Variants in NOX4 observed in about 807,000 individuals in gnomAD.
The protein encoded by NOX4 is NADPH oxidase 4, also known as kidney oxidase-1.
Under a neutral mutation model 87.6 loss-of-function variants are expected in NOX4, and 69 were observed. That is an observed-to-expected ratio of 0.79 (90% CI 0.65 to 0.96). The LOEUF (loss-of-function observed/expected upper bound fraction) is 0.96. NOX4 is among the 40% of genes least tolerant of loss of function. NOX4 has a pLI of 0.00. For synonymous variants in NOX4, 275 were observed against 238.2 expected (o/e 1.15, Z -1.42); for missense variants, 680 against 681.5 (o/e 1.00, Z 0.02).
At chr11:89,393,279 C>T (rs1941250174) in intron 11 of NOX4, among the ~76,000 whole-genome samples, 1 of 152,056 alleles carries the variant, frequency 6.6e-6, no homozygotes, top group African/African-American at 2.4e-5. Context: ...TCAATACTGC[C>T]ATGATTGAAA....
chr11:89,367,478 A>G lies in NOX4; in HGVS notation c.1135+5954T>C, dbSNP rs530763794. Among the ~76,000 whole-genome samples, 4 of 152,156 alleles carry G rather than the reference A, an allele frequency of 2.6e-5. No homozygotes were observed. In the South Asian group the frequency reaches 6.2e-4, roughly 24 times the overall value. The stretch of plus-strand genomic sequence containing the variant: ...TACCATCGCCAGACCTTTCCTTTGC[A>G]TCTTCCTAATGACATGATTTTTATG... On this transcript the variant is annotated intron_variant, in intron 12 of 17. Transcript: ENST00000263317.
At chr11:89,445,302 T>C (rs770002138) in intron 4 of NOX4, among the ~76,000 whole-genome samples, 1 of 151,796 alleles carries the variant, frequency 6.6e-6, no homozygotes, top group East Asian at 1.9e-4. Context: ...CCACAACCCA[T>C]AATGTAAAAT....
At chr11:89,419,034 T>A (rs920210242) in intron 8 of NOX4, among the ~76,000 whole-genome samples, 1 of 152,062 alleles carries the variant, frequency 6.6e-6, no homozygotes, top group Non-Finnish European at 1.5e-5. Context: ...AAATAACACA[T>A]GAATGTTTAC....
chr11:89,415,284 G>GT (rs993054109), intron 8 of NOX4, among the ~76,000 whole-genome samples: 69 of 152,080 alleles, frequency 4.5e-4, no homozygotes, highest in African/African-American at 1.6e-3. Context: ...TGATAATGCA[G>GT]TTGTTAAGTT....
the NOX4 span, among the ~76,000 whole-genome samples, chr11:89,588,836 A>T: frequency 2.0e-5 from 3 of 152,184 alleles, no homozygotes; most frequent in East Asian, 5.8e-4. Flanking sequence ...GCTCCTACCC[A>T]CAGAGGATAC....
At chr11:89,552,149 A>C in the NOX4 span, among the ~76,000 whole-genome samples, 1 of 152,214 alleles carries the variant, frequency 6.6e-6, no homozygotes, top group African/African-American at 2.4e-5. Context: ...AAAAAGGCAT[A>C]ACCTGTAGTT....
At chr11:89,353,137 A>C (rs761550673) in intron 13 of NOX4, among the ~76,000 whole-genome samples, 1 of 152,208 alleles carries the variant, frequency 6.6e-6, no homozygotes, top group Non-Finnish European at 1.5e-5. Flanking sequence ...ACTCCTGGTA[A>C]AGAAGCTATG....
At chr11:89,451,522 C>T (rs1944960106) in intron 3 of NOX4, among the ~76,000 whole-genome samples, 1 of 152,152 alleles carries the variant, frequency 6.6e-6, no homozygotes, top group African/African-American at 2.4e-5. Context: ...TGTAGAATCC[C>T]TGTAAGAATT....
intron 12 of NOX4, among the ~76,000 whole-genome samples, chr11:89,357,166 T>G (rs1938128807): frequency 6.6e-6 from 1 of 152,156 alleles, no homozygotes. Flanking sequence ...TATTTTATCT[T>G]CATATTTATT....
the NOX4 span, among the ~76,000 whole-genome samples, chr11:89,541,933 G>T: frequency 6.6e-6 from 1 of 152,078 alleles, no homozygotes; most frequent in Admixed American, 6.5e-5. Context: ...AGCCTCCCAA[G>T]TAGCAGGGAG....
In NOX4 at chr11:89,402,458, G is replaced by A; in HGVS notation, c.714C>T (p.Ser238=). ...AATGTTCTGAGAAATACTCTGGTAA[G>A]GAAATATTCTGAGAGCTGGTTCGGT... is the stretch of plus-strand genomic sequence containing the variant. ...SLNRTSSQNI[S]LPEYFSEHFH... is the part of the protein sequence containing the mutation. Residue 238 remains serine (S), a synonymous_variant, in exon 9 of 18, where the codon TCC becomes TCT. Coordinates refer to ENST00000263317, the MANE Select transcript of NOX4 (RefSeq NM_016931.5). The A allele has an allele frequency of 3.1e-6, 5 of 1,612,548 alleles. No homozygotes were observed. The highest frequency in any genetic ancestry group is 4.2e-6 in the Non-Finnish European group (5 of 1,179,354).
chr11:89,380,949 A>G (rs1940240258), intron 11 of NOX4, among the ~76,000 whole-genome samples: 1 of 152,198 alleles, frequency 6.6e-6, no homozygotes, highest in African/African-American at 2.4e-5. Context: ...AAGACCAGAG[A>G]TCAAAACTGC....
chr11:89,373,072 T>C (rs540119935), intron 12 of NOX4, among the ~76,000 whole-genome samples: 1 of 151,634 alleles, frequency 6.6e-6, no homozygotes, highest in Non-Finnish European at 1.5e-5. Context: ...GATCTCAATA[T>C]CAGGTGTTGA....
chr11:89,535,353 A>G, the NOX4 span, among the ~76,000 whole-genome samples: 1 of 152,242 alleles, frequency 6.6e-6, no homozygotes, highest in East Asian at 1.9e-4. Flanking sequence ...CTTTCACTCT[A>G]ACGTTTCAGT....
intron 12 of NOX4, 110 bp from the exon 13 acceptor site, chr11:89,355,153 T>G: frequency 1.4e-6 from 1 of 735,706 alleles, no homozygotes; most frequent in Non-Finnish European, 2.2e-6. Flanking sequence ...TTTGACTGTA[T>G]ATCCATCCTT....
chr11:89,391,921 T>TCCCTTCCCCTTC (rs569323281), intron 11 of NOX4, among the ~76,000 whole-genome samples: 2 of 149,782 alleles, frequency 1.3e-5, no homozygotes, highest in Non-Finnish European at 3.0e-5. Flanking sequence ...TTTTTCCTTT[T>TCCCTTCCCCTTC]CCCTTCCCCT....
the NOX4 span, among the ~76,000 whole-genome samples, chr11:89,550,001 T>TGGATGC: frequency 6.6e-6 from 1 of 152,174 alleles, no homozygotes; most frequent in African/African-American, 2.4e-5. Context: ...TATAATCCTT[T>TGGATGC]GGGTATATGC....
chr11:89,510,705 A>C, the NOX4 span, among the ~76,000 whole-genome samples: 1 of 152,070 alleles, frequency 6.6e-6, no homozygotes, highest in African/African-American at 2.4e-5. Context: ...TGTTTGATAA[A>C]TTTTTTTGAA....
chr11:89,420,457 C>T (rs1484128401), intron 8 of NOX4, among the ~76,000 whole-genome samples: 1 of 151,816 alleles, frequency 6.6e-6, no homozygotes, highest in African/African-American at 2.4e-5. Flanking sequence ...TTCTCGGTGC[C>T]CTGAGGCTCC....
Sources: allele counts gnomAD v4.1 joint callset (sites outside exome capture counted in the v4.1 genomes callset), GRCh38; gene constraint gnomAD v4.1.1; transcripts MANE v1.5; gene names NCBI Gene and HGNC (gene_info 2026-07-23, HGNC 2026-07-21).